The following FYCO1 variants were observed in gnomAD, a reference collection of about 807,000 sequenced individuals.
FYCO1 encodes the protein FYVE and coiled-coil domain-containing protein 1.
A neutral mutation model predicts 165.1 loss-of-function variants in FYCO1; 122 were observed. The ratio of observed to expected loss-of-function variants is 0.74; its 90% confidence interval spans 0.64 to 0.86. The LOEUF (loss-of-function observed/expected upper bound fraction) is 0.86. FYCO1 is among the 40% of genes least tolerant of loss of function. The pLI, the probability that FYCO1 is intolerant of heterozygous loss-of-function variation, is 0.00. For synonymous variants in FYCO1, 648 were observed against 742.5 expected (o/e 0.87, Z 2.07); for missense variants, 1,702 against 1,810.3 (o/e 0.94, Z 1.09).
chr3:45,970,010 A>G (rs1422152342), intron 6 of FYCO1, among the ~76,000 whole-genome samples: 1 of 152,234 alleles, frequency 6.6e-6, no homozygotes, highest in Non-Finnish European at 1.5e-5. Flanking sequence ...TTAAGTGAAC[A>G]TGTATTTCCC....
At chr3:45,941,712 G>C (rs1427470459) in intron 14 of FYCO1, among the ~76,000 whole-genome samples, 1 of 152,138 alleles carries the variant, frequency 6.6e-6, no homozygotes, top group South Asian at 2.1e-4. Context: ...AGTCATGGAG[G>C]GCCCCAGGTG....
chr3:45,949,609 C>G (rs56288307), intron 14 of FYCO1, among the ~76,000 whole-genome samples: 1,804 of 152,294 alleles, frequency 0.012, 45 homozygotes, highest in African/African-American at 0.04. Flanking sequence ...CCACCTACAC[C>G]ACTGGCTCAT....
chr3:45,964,247 TA>T lies in FYCO1; in HGVS notation c.3269+88del. ...TTCTTGCAAAAGGACTTCCTAAACC[TA>T]ATATGAGTGACTGACTTTCTAAATG... On this transcript the variant is annotated intron_variant, in intron 10 of 17. Transcript: ENST00000296137. This position sits in a 1 kb window ranked among gnomAD's most constrained non-coding sequence, Gnocchi z 4.1. 9.5e-7 allele frequency: 1 copy of T among 1,049,878 alleles called. No homozygotes were observed. Among genetic ancestry groups the T allele is most frequent in the Non-Finnish European group, 1.5e-6 (1 of 667,628 alleles). The allele number at this position is 1,049,878 out of a possible 1,614,324, so 65.0% of individuals were successfully genotyped here.
At chr3:45,995,378 T>C (rs1707757688) in intron 1 of FYCO1, among the ~76,000 whole-genome samples, 1 of 152,238 alleles carries the variant, frequency 6.6e-6, no homozygotes, top group South Asian at 2.1e-4. Context: ...TGCCCCATCC[T>C]GCGCTAAGAC....
At chr3:45,951,861 T>C (rs992250159) in intron 14 of FYCO1, among the ~76,000 whole-genome samples, 3 of 152,052 alleles carry the variant, frequency 2.0e-5, no homozygotes, top group African/African-American at 7.2e-5. Context: ...TCCTGACCCA[T>C]CTCTGCCAGG....
chr3:45,940,100 G>C (rs1704136307), intron 14 of FYCO1, among the ~76,000 whole-genome samples: 1 of 152,200 alleles, frequency 6.6e-6, no homozygotes, highest in Non-Finnish European at 1.5e-5. Flanking sequence ...TATTATTATT[G>C]TATTAACTTG....
Position 45,967,291 on chromosome 3 carries a change from C to G in FYCO1, c.2043G>C (p.Leu681Phe), listed in dbSNP as rs950774844. ...RHLGDQMEASLLAVRKAKEAM... is the reference protein window; with the variant it reads ...RHLGDQMEASFLAVRKAKEAM... The stretch of plus-strand genomic sequence containing the variant: ...CCTCCTTGGCCTTCCTTACAGCCAG[C>G]AAGCTCGCCTCCATCTGGTCACCCA... The change falls in exon 8 of 18, where the codon TTG becomes TTC. Residue 681 changes from leucine (L) to phenylalanine (F), a missense_variant. Coordinates refer to ENST00000296137, the MANE Select transcript of FYCO1 (RefSeq NM_024513.4). 7 of 1,613,868 alleles carry G rather than the reference C, an allele frequency of 4.3e-6. No individual in the cohort carries two copies. The highest frequency in any genetic ancestry group is 1.3e-5 in the African/African-American group (1 of 74,948).
At position 45,928,419 on chromosome 3, in the gene FYCO1, C is replaced by T. The variant is rs186155448; in HGVS notation, c.4251+2652G>A. On this transcript the variant is annotated intron_variant, in intron 16 of 17. Transcript: ENST00000296137. ...ACTTTGTCCCTGGGCCTCAGGCCAG[C>T]GGTGTGTACACTGGTAACCTGGTTC... is the stretch of plus-strand genomic sequence containing the variant. 1.3e-3 allele frequency among the ~76,000 whole-genome samples: 203 copies of T among 152,242 alleles called. 1 individual carries two copies. The highest frequency in any genetic ancestry group is 0.01 in the Middle Eastern group (3 of 294).
At position 45,962,127 on chromosome 3, in the gene FYCO1, G is replaced by C. The variant is rs896028257; in HGVS notation, c.3437+98C>G. On this transcript the variant is annotated intron_variant, in intron 11 of 17. Coordinates refer to ENST00000296137, the MANE Select transcript of FYCO1 (RefSeq NM_024513.4). The surrounding 1 kb of genome is among the most constrained non-coding windows in gnomAD (Gnocchi z 4.4). The stretch of plus-strand genomic sequence containing the variant: ...CCTGAGACAGCAGCAAGAAAGTGGG[G>C]AAATTTCTGAAGTATGCTTTCAAGA... 4.4e-6 allele frequency: 6 copies of C among 1,348,872 alleles called. No individual in the cohort carries two copies. The African/African-American group carries it at 8.6e-5, about 19-fold the overall frequency. The allele number at this position is 1,348,872 out of a possible 1,614,324, so 83.6% of individuals were successfully genotyped here.
At position 45,921,771 on chromosome 3, in the gene FYCO1, G is replaced by A; in HGVS notation, c.4431C>T (p.Phe1477=). 6.2e-7 allele frequency: 1 copy of A among 1,604,840 alleles called. No homozygotes were observed. Among genetic ancestry groups the A allele is most frequent in the Non-Finnish European group, 8.5e-7 (1 of 1,171,526 alleles). The change falls in exon 18 of 18, where the codon TTC becomes TTT. Residue 1477 remains phenylalanine (F), a synonymous_variant. Coordinates refer to ENST00000296137, the MANE Select transcript of FYCO1 (RefSeq NM_024513.4). ...DRPVIYDGSD[F]L is the part of the protein sequence containing the mutation. ...AGTTACTGAGGTGCTGAAGCTACAG[G>A]AAATCACTTCCATCGTAGATCACAG...
At position 45,968,354 on chromosome 3, in the gene FYCO1, G is replaced by A. The variant is rs758546742; in HGVS notation, c.980C>T (p.Ala327Val). Residue 327 changes from alanine to valine, a missense_variant, in exon 8 of 18, where the codon GCA becomes GTA. By Grantham distance (64) the Ala-to-Val change is moderately conservative (BLOSUM62 0). Transcript: ENST00000296137. ...TCLQGLELGA[A>V]EKEEDYHTAL... is the part of the protein sequence containing the mutation. ...TGTGTGGTAGTCCTCCTCCTTCTCT[G>A]CTGCTCCTAGCTCCAGGCCCTGCAG... is the stretch of plus-strand genomic sequence containing the variant. 6.2e-7 allele frequency: 1 copy of A among 1,613,520 alleles called. No homozygotes were observed. The highest frequency in any genetic ancestry group is 8.5e-7 in the Non-Finnish European group (1 of 1,179,966).
Position 45,964,700 on chromosome 3 carries a change from C to T in FYCO1, c.3151-246G>A. On this transcript the variant is annotated intron_variant, in intron 9 of 17. Coordinates refer to ENST00000296137, the MANE Select transcript of FYCO1 (RefSeq NM_024513.4). This position sits in a 1 kb window ranked among gnomAD's most constrained non-coding sequence, Gnocchi z 4.1. ...AGGGTAACACTGAAGGTAGGGGTGG[C>T]AGGGAGCAGGATTCACCTGAACAAG... 3.8e-6 allele frequency: 1 copy of T among 263,040 alleles called. No homozygotes were observed. Among genetic ancestry groups the T allele is most frequent in the Non-Finnish European group, 5.9e-6 (1 of 169,236 alleles). The allele number at this position is 263,040 out of a possible 1,614,324, so 16.3% of individuals were successfully genotyped here. A position where few individuals can be genotyped will look rare whatever the true frequency, so the allele number is the denominator to read the frequency against.
At chr3:45,978,278 G>C (rs1349062216) in intron 4 of FYCO1, among the ~76,000 whole-genome samples, 1 of 152,190 alleles carries the variant, frequency 6.6e-6, no homozygotes. Context: ...GAAGAGAGGA[G>C]AGTGACAAAG....
chr3:45,986,679 C>T lies in FYCO1; in HGVS notation c.-112-1657G>A, dbSNP rs1411908111. Among the ~76,000 whole-genome samples the T allele has an allele frequency of 3.9e-5, 6 of 152,228 alleles. No individual in the cohort carries two copies. In the East Asian group the frequency reaches 1.2e-3, roughly 29 times the overall value. ...AGCCACAGAGAACCCCCCAAACCTC[C>T]CAACAAGTGTTGGCACCCATCCATC... On this transcript the variant is annotated intron_variant, in intron 1 of 17. Coordinates refer to ENST00000296137, the MANE Select transcript of FYCO1 (RefSeq NM_024513.4).
chr3:45,958,000 T>C (rs970929054), intron 13 of FYCO1, among the ~76,000 whole-genome samples: 1 of 152,214 alleles, frequency 6.6e-6, no homozygotes, highest in African/African-American at 2.4e-5. Flanking sequence ...TACATCCTCC[T>C]TGGACATGAA....
At chr3:45,963,193 G>A (rs982489071) in intron 10 of FYCO1, among the ~76,000 whole-genome samples, 32 of 151,866 alleles carry the variant, frequency 2.1e-4, no homozygotes, top group African/African-American at 7.7e-4. Context: ...CCTTATAGGT[G>A]CACCCACACA....
At chr3:45,940,216 G>A (rs1342574449) in intron 14 of FYCO1, among the ~76,000 whole-genome samples, 1 of 152,218 alleles carries the variant, frequency 6.6e-6, no homozygotes, top group African/African-American at 2.4e-5. Flanking sequence ...GGAATGTCAG[G>A]TGACCATCAA....
intron 16 of FYCO1, among the ~76,000 whole-genome samples, chr3:45,924,794 G>A (rs1703241697): frequency 6.6e-6 from 1 of 151,826 alleles, no homozygotes; most frequent in Admixed American, 6.6e-5. Context: ...TGTATTTTTA[G>A]CAGAGACGGA....
intron 16 of FYCO1, among the ~76,000 whole-genome samples, chr3:45,925,054 T>G (rs1014461663): frequency 6.6e-6 from 1 of 152,078 alleles, no homozygotes; most frequent in Non-Finnish European, 1.5e-5. Flanking sequence ...CTCAGCCTCC[T>G]GAGTAGCTAG....
Sources: gnomAD v4.1 joint callset for allele counts (sites outside exome capture counted in the v4.1 genomes callset) on GRCh38, gnomAD v4.1.1 for gene constraint, Gnocchi (gnomAD v3.1) non-coding constraint, MANE v1.5 for transcripts, NCBI Gene and HGNC (gene_info 2026-07-23, HGNC 2026-07-21) for gene names.